The following ATP2A2 variants were observed in gnomAD, a reference collection of about 807,000 sequenced individuals.
ATP2A2 encodes the protein sarcoplasmic/endoplasmic reticulum calcium ATPase 2.
A neutral mutation model predicts 109.3 loss-of-function variants in ATP2A2; 14 were observed. That is an observed-to-expected ratio of 0.13 (90% CI 0.08 to 0.20). The LOEUF (loss-of-function observed/expected upper bound fraction) is 0.20, where lower values mean the gene tolerates loss of function less well. Among genes scored for constraint, ATP2A2 ranks in the 10% least tolerant of loss-of-function variants. The probability of loss-of-function intolerance (pLI) is 1.00; values close to 1 mark genes in which losing one functional copy is unlikely to be tolerated. For synonymous variants in ATP2A2, 506 were observed against 490.9 expected (o/e 1.03, Z -0.41); for missense variants, 657 against 1,321.6 (o/e 0.50, Z 7.80).
Position 110,347,995 on chromosome 12 carries a change from T to A in ATP2A2, c.*1525T>A. On this transcript the variant is annotated 3_prime_UTR_variant, in exon 20 of 20. Transcript: ENST00000539276. ...CAGCTGGCTGGAGGTGTGGCTTTCA[T>A]AGACCTCCACAGGCTGCCTAGGACA... 1 of 988,424 alleles carries A rather than the reference T, an allele frequency of 1.0e-6. No homozygotes were observed. Among genetic ancestry groups the A allele is most frequent in the Non-Finnish European group, 1.2e-6 (1 of 831,908 alleles). 61.2% of individuals were successfully genotyped at this position (988,424 alleles called of 1,614,324 possible).
At chr12:110,308,891 GGA>G (rs1242604088) in intron 5 of ATP2A2, among the ~76,000 whole-genome samples, 1 of 152,140 alleles carries the variant, frequency 6.6e-6, no homozygotes, top group African/African-American at 2.4e-5. Context: ...TTGGAAAACT[GGA>G]GAGTGTTGTA....
intron 6 of ATP2A2, among the ~76,000 whole-genome samples, chr12:110,325,477 T>A (rs1592842980): frequency 6.6e-6 from 1 of 151,462 alleles, no homozygotes; most frequent in East Asian, 1.9e-4. Context: ...CTACTAAAAA[T>A]ACAAAAATTA....
rs1331499363 is a variant in ATP2A2, at chr12:110,346,521, A to ATTGT, written c.*54_*57dup. 6.2e-7 allele frequency: 1 copy of ATTGT among 1,608,434 alleles called. No homozygotes were observed. The highest frequency in any genetic ancestry group is 1.7e-5 in the Admixed American group (1 of 59,740). ...TTTAACTTAATCAATTAATTTTTTT[A>ATTGT]TTGTTTAAAGCAACTGTCTATTTCT... On this transcript the variant is annotated 3_prime_UTR_variant, in exon 20 of 20. Coordinates refer to ENST00000539276, the MANE Select transcript of ATP2A2 (RefSeq NM_170665.4).
chr12:110,304,297 A>G (rs544434675), intron 5 of ATP2A2, among the ~76,000 whole-genome samples: 7 of 152,298 alleles, frequency 4.6e-5, no homozygotes, highest in African/African-American at 9.6e-5. Flanking sequence ...TCTGTTAGGT[A>G]TGTACCTAAG....
Position 110,347,563 on chromosome 12 carries a change from T to C in ATP2A2, c.*1093T>C. 8.0e-7 allele frequency: 1 copy of C among 1,247,866 alleles called. No homozygotes were observed. The highest frequency in any genetic ancestry group is 1.0e-6 in the Non-Finnish European group (1 of 964,980). 77.3% of individuals were successfully genotyped at this position (1,247,866 alleles called of 1,614,324 possible). A position where few individuals can be genotyped will look rare whatever the true frequency, so the allele number is the denominator to read the frequency against. On this transcript the variant is annotated 3_prime_UTR_variant, in exon 20 of 20. Coordinates refer to ENST00000539276, the MANE Select transcript of ATP2A2 (RefSeq NM_170665.4). ...CTGGTATAGAGAACATAAGGGCAAG[T>C]GTGTATGTGTGTGTATGTGTGTGTT...
chr12:110,281,917 G>GGGCGCTCCGCTGCAGGGGCCC lies in ATP2A2; in HGVS notation c.118+16_118+36dup. 6.4e-7 allele frequency: 1 copy of GGGCGCTCCGCTGCAGGGGCCC among 1,566,996 alleles called. No homozygotes were observed. The highest frequency in any genetic ancestry group is 1.2e-5 in the South Asian group (1 of 85,428). ...AGATGGGGCTCCAACGGTAGGTGCA[G>GGGCGCTCCGCTGCAGGGGCCC]GGCGCTCCGCTGCAGGGGCCCGGCG... On this transcript the variant is annotated intron_variant, in intron 1 of 19. Coordinates refer to ENST00000539276, the MANE Select transcript of ATP2A2 (RefSeq NM_170665.4).
chr12:110,297,416 C>G (rs1874079263), intron 5 of ATP2A2, among the ~76,000 whole-genome samples: 2 of 127,888 alleles, frequency 1.6e-5, no homozygotes, highest in Non-Finnish European at 3.2e-5. Flanking sequence ...ATCTTGATGA[C>G]AGAGTGAGAC....
At position 110,343,403 on chromosome 12, in the gene ATP2A2, G is replaced by T. The variant is rs1443972938; in HGVS notation, c.2490G>T (p.Gly830=). ...ACCCAAAGGAACCATTGATCAGCGGGTGGCTCTTTTTCCGTTACTTGGCTA... is the reference window on the plus strand; with the variant it reads ...ACCCAAAGGAACCATTGATCAGCGGTTGGCTCTTTTTCCGTTACTTGGCTA... ...PRNPKEPLIS[G]WLFFRYLAIG... Residue 830 remains glycine (G), a synonymous_variant, in exon 16 of 20, where the codon GGG becomes GGT. Transcript: ENST00000539276. 15 of 1,614,160 alleles carry T rather than the reference G, an allele frequency of 9.3e-6. No individual in the cohort carries two copies. Among genetic ancestry groups the T allele is most frequent in the Non-Finnish European group, 1.3e-5 (15 of 1,180,030 alleles).
intron 1 of ATP2A2, 133 bp from the exon 2 acceptor site, chr12:110,282,471 C>T: frequency 8.2e-7 from 1 of 1,222,650 alleles, no homozygotes; most frequent in South Asian, 1.2e-5. Context: ...ATAGCTAGGT[C>T]TGTGTTTTAA....
chr12:110,309,685 C>T (rs1875792348), intron 5 of ATP2A2, among the ~76,000 whole-genome samples: 1 of 152,030 alleles, frequency 6.6e-6, no homozygotes, highest in Non-Finnish European at 1.5e-5. Flanking sequence ...GCATGCAGAT[C>T]ACTTGAGTCC....
rs10665212 is a variant in ATP2A2, at chr12:110,309,140, A to ATTTTTTTTTTTTTTT, written c.463+12424_463+12438dup. ...ATGGAGAGAGAGTTTAAGGAAACTA[A>ATTTTTTTTTTTTTTT]TTTTTTTTTTTTTTTTTTTTTTTTT... On this transcript the variant is annotated intron_variant, in intron 5 of 19. Coordinates refer to ENST00000539276, the MANE Select transcript of ATP2A2 (RefSeq NM_170665.4). Among the ~76,000 whole-genome samples, 32 of 48,900 alleles carry ATTTTTTTTTTTTTTT rather than the reference A, an allele frequency of 6.5e-4. 3 individuals are homozygous for ATTTTTTTTTTTTTTT. Among genetic ancestry groups the ATTTTTTTTTTTTTTT allele is most frequent in the Non-Finnish European group, 1.1e-3 (30 of 28,424 alleles). 32.1% of individuals were successfully genotyped at this position (48,900 alleles called of 152,430 possible). A position where few individuals can be genotyped will look rare whatever the true frequency, so the allele number is the denominator to read the frequency against.
At chr12:110,332,817 A>G (rs1419908322) in intron 9 of ATP2A2, 132 bp downstream of exon 9, 1 of 868,668 alleles carries the variant, frequency 1.2e-6, no homozygotes, top group Non-Finnish European at 1.9e-6. Flanking sequence ...CTAAAGTAGT[A>G]AATGTTTTTA....
intron 17 of ATP2A2, 69 bp from the exon 18 acceptor site, chr12:110,345,180 G>T: frequency 8.1e-6 from 13 of 1,611,014 alleles, no homozygotes; most frequent in Non-Finnish European, 1.1e-5. Flanking sequence ...GCTAGGCTTG[G>T]TATGGGGTTG....
rs761482225 is a variant in ATP2A2 at position 110,346,493 on chromosome 12, A to G, written c.*23A>G. ...TGACTGACAGTTTTCCATAAAGAAG[A>G]TGTTTAACTTAATCAATTAATTTTT... On this transcript the variant is annotated 3_prime_UTR_variant, in exon 20 of 20. Coordinates refer to ENST00000539276, the MANE Select transcript of ATP2A2 (RefSeq NM_170665.4). The G allele has an allele frequency of 6.2e-7, 1 of 1,614,034 alleles. No individual in the cohort carries two copies. The highest frequency in any genetic ancestry group is 1.1e-5 in the South Asian group (1 of 91,068).
intron 5 of ATP2A2, among the ~76,000 whole-genome samples, chr12:110,313,041 C>T (rs1457071768): frequency 1.3e-5 from 2 of 152,082 alleles, no homozygotes; most frequent in Admixed American, 1.3e-4. Flanking sequence ...AGCCCCTGAG[C>T]ACTGTCAGAA....
At chr12:110,306,505 C>T (rs905229706) in intron 5 of ATP2A2, among the ~76,000 whole-genome samples, 1 of 152,026 alleles carries the variant, frequency 6.6e-6, no homozygotes, top group Non-Finnish European at 1.5e-5. Context: ...TTTCAGCCCT[C>T]GCCCCTCTTT....
At chr12:110,335,337 T>TG (rs1450482416) in intron 11 of ATP2A2, among the ~76,000 whole-genome samples, 1 of 152,202 alleles carries the variant, frequency 6.6e-6, no homozygotes, top group African/African-American at 2.4e-5. Flanking sequence ...CTCAAAAGAC[T>TG]GGTCCCCCTG....
At chr12:110,307,271 G>A (rs114184958) in intron 5 of ATP2A2, among the ~76,000 whole-genome samples, 2 of 118,776 alleles carry the variant, frequency 1.7e-5, no homozygotes, top group African/African-American at 6.5e-5. Flanking sequence ...TCAGTCTGTT[G>A]CCCAGGCTGG....
intron 5 of ATP2A2, among the ~76,000 whole-genome samples, chr12:110,314,762 A>G (rs1876479785): frequency 6.6e-6 from 1 of 152,248 alleles, no homozygotes. Context: ...ATTACTATAC[A>G]GCCACTTTTT....
Sources: gnomAD v4.1 joint callset for allele counts (sites outside exome capture counted in the v4.1 genomes callset) on GRCh38, gnomAD v4.1.1 for gene constraint, MANE v1.5 for transcripts, NCBI Gene and HGNC (gene_info 2026-07-23, HGNC 2026-07-21) for gene names.